GRIN2B: variants seen among roughly 807,000 people sequenced by gnomAD.
GRIN2B encodes the protein glutamate receptor ionotropic, NMDA 2B.
In GRIN2B, 5 loss-of-function variants were observed where a neutral mutation model predicts 114.5. The observed-to-expected ratio is 0.04, with a 90% CI of 0.02 to 0.09. The LOEUF is 0.09. Ranked by LOEUF, GRIN2B falls within the 10% of genes least tolerant of loss-of-function variation. The pLI is 1.00. For missense variants in GRIN2B, 1,108 were observed against 1,943.5 expected, an observed-to-expected ratio of 0.57 and a Z score of 8.08; for synonymous variants, 787 against 745.1, an observed-to-expected ratio of 1.06 and a Z score of -0.92.
At chr12:13,953,719 T>C (rs1293035265) in intron 2 of GRIN2B, among the ~76,000 whole-genome samples, 1 of 152,156 alleles carries the variant, frequency 6.6e-6, no homozygotes, top group Non-Finnish European at 1.5e-5. Flanking sequence ...CCACCACTTG[T>C]TCCATTCTCA....
intron 10 of GRIN2B, among the ~76,000 whole-genome samples, chr12:13,584,027 C>T (rs1948886306): frequency 6.6e-6 from 1 of 152,160 alleles, no homozygotes; most frequent in African/African-American, 2.4e-5. Flanking sequence ...AAAAGAAAGA[C>T]ATCAGAGTGG....
chr12:13,788,894 A>G (rs182587484), intron 3 of GRIN2B, among the ~76,000 whole-genome samples: 117 of 152,270 alleles, frequency 7.7e-4, no homozygotes, highest in Admixed American at 2.1e-3. Flanking sequence ...TTCCCTCTGC[A>G]CTGGCTGACT....
At chr12:13,735,254 T>C (rs1362038104) in intron 4 of GRIN2B, among the ~76,000 whole-genome samples, 1 of 152,216 alleles carries the variant, frequency 6.6e-6, no homozygotes, top group East Asian at 1.9e-4. Flanking sequence ...GAAAGACTAC[T>C]ATAGACACTT....
chr12:13,720,361 G>A (rs1383492013), intron 4 of GRIN2B, among the ~76,000 whole-genome samples: 1 of 152,048 alleles, frequency 6.6e-6, no homozygotes, highest in Non-Finnish European at 1.5e-5. Context: ...ATGATGGAAA[G>A]GGGGTAGCAT....
intron 2 of GRIN2B, among the ~76,000 whole-genome samples, chr12:13,971,896 C>T (rs1374569131): frequency 6.6e-6 from 1 of 152,176 alleles, no homozygotes; most frequent in Non-Finnish European, 1.5e-5. Context: ...AGTTCCACCC[C>T]TTGGGTGCAA....
At chr12:13,966,900 C>A (rs1867797674) in intron 2 of GRIN2B, among the ~76,000 whole-genome samples, 1 of 152,130 alleles carries the variant, frequency 6.6e-6, no homozygotes, top group South Asian at 2.1e-4. Context: ...AATAAATGAA[C>A]AAGGGTCAGA....
At chr12:13,917,705 G>A (rs1482390113) in intron 2 of GRIN2B, among the ~76,000 whole-genome samples, 3 of 152,144 alleles carry the variant, frequency 2.0e-5, no homozygotes, top group African/African-American at 7.2e-5. Context: ...AACATTCACA[G>A]AAAACGATAT....
chr12:13,924,224 A>G (rs1301648210), intron 2 of GRIN2B, among the ~76,000 whole-genome samples: 2 of 152,196 alleles, frequency 1.3e-5, no homozygotes, highest in Non-Finnish European at 2.9e-5. Flanking sequence ...TAAGATATCT[A>G]GGATAGTATC....
chr12:13,627,637 C>T (rs571566848), intron 5 of GRIN2B, among the ~76,000 whole-genome samples: 1 of 152,316 alleles, frequency 6.6e-6, no homozygotes, highest in South Asian at 2.1e-4. Context: ...CAGCAGGGGG[C>T]CTCCACTCAA....
At chr12:13,807,991 T>C (rs548837371) in intron 3 of GRIN2B, among the ~76,000 whole-genome samples, 2 of 152,250 alleles carry the variant, frequency 1.3e-5, no homozygotes, top group South Asian at 4.2e-4. Flanking sequence ...CAAAGGATGA[T>C]TCTAGATGAC....
chr12:13,812,871 CA>C (rs1411538773), intron 3 of GRIN2B, among the ~76,000 whole-genome samples: 3 of 150,860 alleles, frequency 2.0e-5, no homozygotes, highest in Non-Finnish European at 4.4e-5. Context: ...TGAATCATGG[CA>C]AACTTGTAAC....
intron 4 of GRIN2B, among the ~76,000 whole-genome samples, chr12:13,694,988 G>A (rs1391340806): frequency 1.3e-5 from 2 of 151,872 alleles, no homozygotes; most frequent in Non-Finnish European, 2.9e-5. Context: ...CTTTAGAAGT[G>A]ACAGACTCTG....
chr12:13,959,287 T>C (rs1009074232), intron 2 of GRIN2B, among the ~76,000 whole-genome samples: 2 of 151,786 alleles, frequency 1.3e-5, no homozygotes, highest in South Asian at 4.2e-4. Flanking sequence ...TTCCAATAGG[T>C]GAACGCCCAG....
chr12:13,685,035 T>G (rs1950165039), intron 4 of GRIN2B, among the ~76,000 whole-genome samples: 1 of 152,164 alleles, frequency 6.6e-6, no homozygotes, highest in African/African-American at 2.4e-5. Context: ...ACTGAAAGAA[T>G]GTACTCAAGG....
chr12:13,885,456 G>A (rs1408207498), intron 2 of GRIN2B, among the ~76,000 whole-genome samples: 5 of 152,108 alleles, frequency 3.3e-5, no homozygotes, highest in African/African-American at 1.2e-4. Flanking sequence ...CCCTCTAAGA[G>A]GAACCTTTTC....
chr12:13,781,626 T>C (rs1312710689), intron 3 of GRIN2B, among the ~76,000 whole-genome samples: 1 of 152,314 alleles, frequency 6.6e-6, no homozygotes, highest in East Asian at 1.9e-4. Context: ...CTGCCTGAGA[T>C]GTATAATGCA....
intron 2 of GRIN2B, among the ~76,000 whole-genome samples, chr12:13,916,730 C>T (rs964158300): frequency 9.3e-5 from 2 of 21,404 alleles, no homozygotes; most frequent in African/African-American, 2.3e-4. Context: ...CACACACACA[C>T]ACACATTTGT....
intron 4 of GRIN2B, among the ~76,000 whole-genome samples, chr12:13,706,288 AG>A (rs1950359346): frequency 6.6e-6 from 1 of 152,186 alleles, no homozygotes; most frequent in Non-Finnish European, 1.5e-5. Flanking sequence ...GGGAGAATTA[AG>A]GACTGAATAG....
intron 2 of GRIN2B, among the ~76,000 whole-genome samples, chr12:13,880,652 A>G (rs1866057893): frequency 1.3e-5 from 2 of 152,230 alleles, no homozygotes; most frequent in Admixed American, 1.3e-4. Context: ...ATAATGATTA[A>G]GAAACTGAAG....
Sources: allele counts gnomAD v4.1 joint callset (sites outside exome capture counted in the v4.1 genomes callset), GRCh38; gene constraint gnomAD v4.1.1; transcripts MANE v1.5; gene names NCBI Gene and HGNC (gene_info 2026-07-23, HGNC 2026-07-21).